AGO3: variants seen among roughly 807,000 people sequenced by gnomAD.
AGO3 encodes protein argonaute-3.
AGO3 carries 16 observed loss-of-function variants against 105.5 expected under a neutral mutation model. The ratio of observed to expected loss-of-function variants is 0.15; its 90% CI spans 0.10 to 0.23. The LOEUF is 0.23. Ranked by LOEUF, AGO3 falls within the 10% of genes least tolerant of loss-of-function variation. The pLI is 1.00. For missense variants in AGO3, 534 were observed against 1,088.0 expected (o/e 0.49, Z 7.16); for synonymous variants, 340 against 367.3 (o/e 0.93, Z 0.85).
chr1:36,022,313 T>C (rs1342649595), intron 11 of AGO3, among the ~76,000 whole-genome samples: 1 of 152,154 alleles, frequency 6.6e-6, no homozygotes, highest in Non-Finnish European at 1.5e-5. Context: ...GTGATCCTCC[T>C]GCTTCGGCCA....
chr1:35,932,012 C>T (rs1173340042), intron 1 of AGO3, among the ~76,000 whole-genome samples: 1 of 152,158 alleles, frequency 6.6e-6, no homozygotes, highest in Non-Finnish European at 1.5e-5. Flanking sequence ...GCCTGGATCC[C>T]TGCTTATACG....
At chr1:35,942,082 T>G (rs1646266824) in intron 1 of AGO3, among the ~76,000 whole-genome samples, 1 of 152,218 alleles carries the variant, frequency 6.6e-6, no homozygotes. Flanking sequence ...TAGTACGGAA[T>G]TTGTACAGTA....
intron 5 of AGO3, among the ~76,000 whole-genome samples, chr1:35,976,546 G>A (rs1282235206): frequency 6.6e-6 from 1 of 152,054 alleles, no homozygotes; most frequent in Admixed American, 6.6e-5. Context: ...TGATTAATGT[G>A]CGTCCTTTTT....
chr1:35,957,352 T>C (rs1300036552), intron 2 of AGO3, among the ~76,000 whole-genome samples: 1 of 150,466 alleles, frequency 6.6e-6, no homozygotes, highest in East Asian at 2.0e-4. Context: ...CGAGACTGTC[T>C]CAAAAACAAA....
intron 14 of AGO3, among the ~76,000 whole-genome samples, chr1:36,039,425 T>G (rs1202378985): frequency 7.3e-6 from 1 of 137,414 alleles, no homozygotes; most frequent in Non-Finnish European, 1.5e-5. Flanking sequence ...ACCCAGGAGG[T>G]GCAGGTTGCA....
chr1:35,933,423 G>A (rs955164414), intron 1 of AGO3, among the ~76,000 whole-genome samples: 1 of 151,804 alleles, frequency 6.6e-6, no homozygotes, highest in Non-Finnish European at 1.5e-5. Context: ...AAGGATGATC[G>A]CTTGAGCCCA....
intron 5 of AGO3, among the ~76,000 whole-genome samples, chr1:36,001,148 T>C (rs1219598235): frequency 1.3e-5 from 2 of 152,050 alleles, no homozygotes; most frequent in Non-Finnish European, 2.9e-5. Context: ...GGCACGAGAA[T>C]TGTCTGAACC....
chr1:36,044,395 TTTG>T (rs201647750), intron 17 of AGO3, among the ~76,000 whole-genome samples: 93 of 152,002 alleles, frequency 6.1e-4, no homozygotes, highest in Non-Finnish European at 1.0e-3. Context: ...TTAGTTTTTT[TTTG>T]TTGTTGTTGT....
At chr1:35,959,904 A>G (rs1557652426) in intron 2 of AGO3, among the ~76,000 whole-genome samples, 1 of 151,892 alleles carries the variant, frequency 6.6e-6, no homozygotes, top group African/African-American at 2.4e-5. Flanking sequence ...TATTATACAT[A>G]TTTGTTTTTT....
At position 35,972,080 on chromosome 1, in the gene AGO3, G is replaced by C. The variant is rs148843760; in HGVS notation, c.369G>C (p.Val123=). 1.7e-5 allele frequency: 28 copies of C among 1,613,948 alleles called. No homozygotes were observed. Among genetic ancestry groups the C allele is most frequent in the Admixed American group, 8.3e-5 (5 of 59,968 alleles). Residue 123 remains valine (V), a synonymous_variant, in exon 4 of 19, where the codon GTG becomes GTC. Transcript: ENST00000373191. The stretch of plus-strand genomic sequence containing the variant: ...GTGGAAAAGATCGACCTTTCAAGGT[G>C]TCAATCAAATTTGTCTCTCGGGTGA... ...GEGGKDRPFK[V]SIKFVSRVSW...
intron 11 of AGO3, among the ~76,000 whole-genome samples, chr1:36,020,168 C>T (rs572538128): frequency 5.9e-5 from 9 of 152,248 alleles, no homozygotes; most frequent in African/African-American, 2.2e-4. Context: ...AGCCGGCTGT[C>T]CAGTCTCTCT....
At chr1:35,987,463 A>G (rs915672343) in intron 5 of AGO3, among the ~76,000 whole-genome samples, 3 of 152,082 alleles carry the variant, frequency 2.0e-5, no homozygotes, top group South Asian at 4.1e-4. Flanking sequence ...ACTGCACTCC[A>G]GCCTGGGCAA....
At position 36,070,859 on chromosome 1, in the gene AGO3, C is replaced by T. The variant is rs934516960; in HGVS notation, c.*15114C>T. 12 of 152,178 alleles carry T rather than the reference C, an allele frequency of 7.9e-5. No individual in the cohort carries two copies. The highest frequency in any genetic ancestry group is 2.7e-4 in the African/African-American group (11 of 41,426). The allele number at this position is 152,178 out of a possible 1,614,324, so 9.4% of individuals were successfully genotyped here. On this transcript the variant is annotated 3_prime_UTR_variant, in exon 19 of 19. Coordinates refer to ENST00000373191, the MANE Select transcript of AGO3 (RefSeq NM_024852.4). Reference sequence around the variant, plus strand: ...GCTGTAATGTGTAGCTTTAATGTCTCTTTTCAGTTATGGACCCATAAAAGT... The same window carrying T: ...GCTGTAATGTGTAGCTTTAATGTCTTTTTTCAGTTATGGACCCATAAAAGT...
chr1:35,980,376 A>G (rs1647032271), intron 5 of AGO3, among the ~76,000 whole-genome samples: 1 of 152,224 alleles, frequency 6.6e-6, no homozygotes, highest in South Asian at 2.1e-4. Context: ...CCATTTGTAT[A>G]TATTCATTGA....
At chr1:35,964,127 A>T (rs1646730516) in intron 2 of AGO3, among the ~76,000 whole-genome samples, 1 of 152,176 alleles carries the variant, frequency 6.6e-6, no homozygotes, top group Admixed American at 6.5e-5. Context: ...ATATAAGTAT[A>T]CATTTATATA....
At chr1:36,014,119 TA>T in intron 11 of AGO3, 71 bp downstream of exon 11, 1 of 1,589,270 alleles carries the variant, frequency 6.3e-7, no homozygotes, top group Non-Finnish European at 8.6e-7. Context: ...TCTAATGTTC[TA>T]ACAGATGTTG....
At chr1:35,962,861 C>A (rs1420390500) in intron 2 of AGO3, among the ~76,000 whole-genome samples, 1 of 152,062 alleles carries the variant, frequency 6.6e-6, no homozygotes, top group Non-Finnish European at 1.5e-5. Context: ...TTTCTTAATA[C>A]CTCAAAAGCT....
chr1:35,964,277 A>G (rs1293079352), intron 2 of AGO3, among the ~76,000 whole-genome samples: 3 of 151,806 alleles, frequency 2.0e-5, no homozygotes, highest in African/African-American at 7.3e-5. Context: ...CCCTCCTCCT[A>G]CCCTCTACCC....
rs1647083096 is a variant in AGO3, at chr1:35,983,028, C to T, written c.658+9517C>T. The T allele has an allele frequency of 2.9e-5, 5 of 174,160 alleles. No homozygotes were observed. The South Asian group carries it at 7.3e-4, about 25-fold the overall frequency. The allele number at this position is 174,160 out of a possible 1,614,324, so 10.8% of individuals were successfully genotyped here. ...TTTGGGGGCAGGCTGTCAGGAAGGG[C>T]AGGGAAATTCAGGCATGGGCTGAAG... On this transcript the variant is annotated intron_variant, in intron 5 of 18. Coordinates refer to ENST00000373191, the MANE Select transcript of AGO3 (RefSeq NM_024852.4).
Sources: gnomAD v4.1 joint callset for allele counts (sites outside exome capture counted in the v4.1 genomes callset) on GRCh38, gnomAD v4.1.1 for gene constraint, MANE v1.5 for transcripts, NCBI Gene and HGNC (gene_info 2026-07-23, HGNC 2026-07-21) for gene names.